Variants in GET1 observed in about 807,000 individuals in gnomAD.
GET1 encodes congenital heart disease 5 protein.
In GET1, 20 loss-of-function variants were observed where a neutral mutation model predicts 22.6. That is an observed-to-expected ratio of 0.89 (90% CI 0.62 to 1.29). GET1 has a LOEUF of 1.29. GET1 is among the 50% of genes most tolerant of loss of function. The pLI, the probability that GET1 is intolerant of heterozygous loss-of-function variation, is 0.00. For synonymous variants in GET1, 92 were observed against 83.8 expected (o/e 1.10, Z -0.53); for missense variants, 209 against 219.9 (o/e 0.95, Z 0.31).
intron 1 of GET1, among the ~76,000 whole-genome samples, chr21:39,417,758 A>G (rs116694748): frequency 0.021 from 3,250 of 151,792 alleles, 101 homozygotes; most frequent in African/African-American, 0.074. Context: ...TTATTTATTT[A>G]ATTTTTTAAT....
downstream of GET1, among the ~76,000 whole-genome samples, chr21:39,399,335 A>G (rs1437719045): frequency 1.3e-5 from 2 of 152,216 alleles, no homozygotes; most frequent in Non-Finnish European, 2.9e-5. Flanking sequence ...GCAAGGAAGA[A>G]AAACCTATGA....
intron 1 of GET1, chr21:39,420,654 T>C: frequency 6.7e-7 from 1 of 1,491,266 alleles, no homozygotes. Flanking sequence ...AAATAGCTCA[T>C]ATATTTCGGG....
At chr21:39,393,902 G>A (rs2038471507) in intron 4 of GET1, among the ~76,000 whole-genome samples, 1 of 151,828 alleles carries the variant, frequency 6.6e-6, no homozygotes, top group South Asian at 2.1e-4. Flanking sequence ...CTCATGCCTT[G>A]GCCTCCCAAA....
chr21:39,393,429 A>G lies in GET1; in HGVS notation c.451+149A>G. 6.3e-6 allele frequency: 4 copies of G among 639,772 alleles called. No individual in the cohort carries two copies. In the South Asian group the frequency reaches 8.0e-5, roughly 13 times the overall value. 39.6% of individuals were successfully genotyped at this position (639,772 alleles called of 1,614,324 possible). ...TCAGCCTCACATGAGGCTTCCCATG[A>G]AGAAACTGAGGTCTGAAAAAGTTAC... On this transcript the variant is annotated intron_variant, in intron 4 of 4. Coordinates refer to ENST00000649170, the MANE Select transcript of GET1 (RefSeq NM_004627.6).
At position 39,391,848 on chromosome 21, in the gene GET1, A is replaced by G. The variant is rs2038316307; in HGVS notation, c.336+12A>G. On this transcript the variant is annotated intron_variant, in intron 3 of 4. Transcript: ENST00000649170. ...TCTACGTATTGCAGGTAAGTGTGCT[A>G]GAGCGTCAGCCGGGTCATTGGAGTT... 4.3e-6 allele frequency: 7 copies of G among 1,614,066 alleles called. No homozygotes were observed. Among genetic ancestry groups the G allele is most frequent in the South Asian group, 2.2e-5 (2 of 91,080 alleles).
intron 4 of GET1, among the ~76,000 whole-genome samples, chr21:39,396,145 C>T (rs1286736773): frequency 1.3e-5 from 2 of 152,144 alleles, no homozygotes; most frequent in African/African-American, 4.8e-5. Flanking sequence ...CCTGTAATCC[C>T]AGCACTTTTG....
downstream of GET1, among the ~76,000 whole-genome samples, chr21:39,398,045 T>C (rs1304989237): frequency 6.6e-6 from 1 of 152,208 alleles, no homozygotes; most frequent in East Asian, 1.9e-4. Context: ...TGGGTTCCAC[T>C]TACTCAAACA....
chr21:39,385,531 G>A (rs1174957332), intron 1 of GET1, among the ~76,000 whole-genome samples: 2 of 152,212 alleles, frequency 1.3e-5, no homozygotes, highest in African/African-American at 4.8e-5. Flanking sequence ...AGAGCGCCTA[G>A]TTCATTCAGT....
intron 1 of GET1, chr21:39,421,478 A>T (rs1462996848): frequency 2.6e-5 from 4 of 152,186 alleles, no homozygotes; most frequent in African/African-American, 9.7e-5. Context: ...TATAAAAGGG[A>T]CTCAAACCAC....
intron 1 of GET1, chr21:39,386,482 G>A (rs1031823120): frequency 1.3e-5 from 2 of 152,394 alleles, no homozygotes; most frequent in Admixed American, 1.3e-4. Flanking sequence ...CTGGTGGCCT[G>A]GAGAGCTGCC....
downstream of GET1, chr21:39,411,066 A>G: frequency 2.7e-6 from 1 of 364,974 alleles, no homozygotes; most frequent in South Asian, 2.1e-5. Flanking sequence ...TAGTGGCATC[A>G]ATATAGATGA....
intron 1 of GET1, among the ~76,000 whole-genome samples, chr21:39,388,278 G>A (rs928692472): frequency 6.6e-6 from 1 of 152,188 alleles, no homozygotes; most frequent in African/African-American, 2.4e-5. Context: ...TCAGGTGGGA[G>A]TATCGCTTGA....
chr21:39,410,398 CAT>C, downstream of GET1: 1 of 1,122,038 alleles, frequency 8.9e-7, no homozygotes, highest in Non-Finnish European at 1.3e-6. Context: ...ATGTAAGAAA[CAT>C]ATTTTACATT....
chr21:39,419,416 T>A (rs1379762455), intron 1 of GET1, among the ~76,000 whole-genome samples: 1 of 151,194 alleles, frequency 6.6e-6, no homozygotes, highest in African/African-American at 2.4e-5. Context: ...TCCCAGCTAC[T>A]TGGGAGGCCG....
chr21:39,387,417 T>C (rs935473626), intron 1 of GET1, among the ~76,000 whole-genome samples: 1 of 152,254 alleles, frequency 6.6e-6, no homozygotes, highest in Non-Finnish European at 1.5e-5. Flanking sequence ...CAAAAAGTCC[T>C]TAGCAGTGTC....
intron 4 of GET1, among the ~76,000 whole-genome samples, chr21:39,403,363 G>A (rs2038887219): frequency 6.6e-6 from 1 of 152,182 alleles, no homozygotes; most frequent in East Asian, 1.9e-4. Context: ...GTCTCGCTCT[G>A]TTGCCCAGGC....
intron 1 of GET1, chr21:39,380,926 GT>G: frequency 3.7e-5 from 6 of 161,928 alleles, no homozygotes; most frequent in Non-Finnish European, 6.1e-5. Flanking sequence ...CTTGGGGTGG[GT>G]AGGGTGGGAG....
chr21:39,390,693 G>A lies in GET1; in HGVS notation c.103-5G>A, dbSNP rs768806697. 1 of 1,614,056 alleles carries A rather than the reference G, an allele frequency of 6.2e-7. No homozygotes were observed. The highest frequency in any genetic ancestry group is 1.7e-5 in the Admixed American group (1 of 60,024). ...GGTGCTGATCCCCGTTGTCCGCCCTGCCAGATGTCCAGGGTGCTGCAGAAG... is the reference window on the plus strand; with the variant it reads ...GGTGCTGATCCCCGTTGTCCGCCCTACCAGATGTCCAGGGTGCTGCAGAAG... On this transcript the variant is annotated splice_polypyrimidine_tract_variant and splice_region_variant and intron_variant, in intron 1 of 4. Transcript: ENST00000649170.
At chr21:39,406,051 CTTGA>C (rs1190288520) in exon 5 of GET1, 1 of 1,614,080 alleles carries the variant, frequency 6.2e-7, no homozygotes, top group Non-Finnish European at 8.5e-7. Flanking sequence ...AACACCAGGA[CTTGA>C]TTGGTCAGTT....
Sources: allele counts gnomAD v4.1 joint callset (sites outside exome capture counted in the v4.1 genomes callset), GRCh38; gene constraint gnomAD v4.1.1; transcripts MANE v1.5; gene names NCBI Gene and HGNC (gene_info 2026-07-23, HGNC 2026-07-21).